RPS6KA1: variants seen among roughly 807,000 people sequenced by gnomAD.
RPS6KA1 encodes the protein ribosomal protein S6 kinase alpha-1.
RPS6KA1 carries 48 observed loss-of-function variants against 91.3 expected under a neutral mutation model. That is an observed-to-expected ratio of 0.53 (90% confidence interval 0.42 to 0.67). RPS6KA1 has a LOEUF of 0.67. Ranked by LOEUF, RPS6KA1 falls within the 30% of genes least tolerant of loss-of-function variation. The probability of loss-of-function intolerance (pLI) is 0.00; values close to 1 mark genes in which losing one functional copy is unlikely to be tolerated. For synonymous variants in RPS6KA1, 359 were observed against 384.7 expected, an observed-to-expected ratio of 0.93 and a Z score of 0.78; for missense variants, 719 against 960.5, an observed-to-expected ratio of 0.75 and a Z score of 3.32.
At chr1:26,565,913 G>A (rs2076197707) in intron 17 of RPS6KA1, among the ~76,000 whole-genome samples, 1 of 152,092 alleles carries the variant, frequency 6.6e-6, no homozygotes, top group South Asian at 2.1e-4. Flanking sequence ...TGTTGTCTTT[G>A]AGATCCATCC....
In RPS6KA1 at chr1:26,545,735, G is replaced by A. The variant is rs573275442; in HGVS notation, c.109-1132G>A. The A allele has an allele frequency of 4.7e-5, 45 of 951,702 alleles. No individual in the cohort carries two copies. The South Asian group carries it at 5.0e-4, about 11-fold the overall frequency. The allele number at this position is 951,702 out of a possible 1,614,324, so 59.0% of individuals were successfully genotyped here. A position where few individuals can be genotyped will look rare whatever the true frequency, so the allele number is the denominator to read the frequency against. ...GAGAGAGAGGAAGGGAACGTGGTGA[G>A]GGTGTAGGCCTGGTGCTGGGAAACC... On this transcript the variant is annotated intron_variant, in intron 2 of 21. Transcript: ENST00000374168.
intron 17 of RPS6KA1, among the ~76,000 whole-genome samples, chr1:26,566,500 T>A (rs2076203587): frequency 6.6e-6 from 1 of 152,084 alleles, no homozygotes. Flanking sequence ...TTGGCCAAAC[T>A]GTTCTCGAAC....
chr1:26,570,043 T>C, intron 17 of RPS6KA1, among the ~76,000 whole-genome samples: 1 of 152,088 alleles, frequency 6.6e-6, no homozygotes, highest in Middle Eastern at 3.2e-3. Flanking sequence ...TAGTGTGGGA[T>C]GTGTTGAGTT....
chr1:26,550,173 C>G (rs1184507133), intron 4 of RPS6KA1, among the ~76,000 whole-genome samples: 1 of 147,006 alleles, frequency 6.8e-6, no homozygotes, highest in Non-Finnish European at 1.5e-5. Flanking sequence ...GCCACCACGC[C>G]TGGCCAATTT....
chr1:26,542,717 G>A (rs554649089), intron 2 of RPS6KA1, among the ~76,000 whole-genome samples: 1 of 152,118 alleles, frequency 6.6e-6, no homozygotes, highest in South Asian at 2.1e-4. Context: ...ATTGTGGGTG[G>A]GCATAGCCAT....
intron 4 of RPS6KA1, among the ~76,000 whole-genome samples, chr1:26,548,289 C>A (rs998245939): frequency 6.6e-6 from 1 of 151,700 alleles, no homozygotes; most frequent in African/African-American, 2.4e-5. Flanking sequence ...GTGGTGCAGC[C>A]GGTGCTGTGA....
chr1:26,547,936 G>A lies in RPS6KA1; in HGVS notation c.307+666G>A, dbSNP rs1192757609. On this transcript the variant is annotated intron_variant, in intron 4 of 21. Transcript: ENST00000374168. This position sits in a 1 kb window ranked among gnomAD's most constrained non-coding sequence, Gnocchi z 4.1. The stretch of plus-strand genomic sequence containing the variant: ...TGTAATCCCAGCACTTTGGGAGGCT[G>A]AGGTGGGCGGGTCATTTGAGGTCAG... Among the ~76,000 whole-genome samples the A allele has an allele frequency of 6.6e-6, 1 of 152,136 alleles. No individual in the cohort carries two copies. Among genetic ancestry groups the A allele is most frequent in the African/African-American group, 2.4e-5 (1 of 41,426 alleles).
chr1:26,542,989 G>T (rs149327018), intron 2 of RPS6KA1: 7 of 648,350 alleles, frequency 1.1e-5, no homozygotes, highest in Non-Finnish European at 1.8e-5. Context: ...CTTGGGGTCT[G>T]CAGTGTCCCC....
intron 17 of RPS6KA1, among the ~76,000 whole-genome samples, chr1:26,569,495 T>C (rs891865359): frequency 6.6e-6 from 1 of 152,168 alleles, no homozygotes; most frequent in Non-Finnish European, 1.5e-5. Context: ...ACCCTAACAG[T>C]GTGGCCCTTT....
At chr1:26,541,447 C>T (rs749577875) in intron 2 of RPS6KA1, among the ~76,000 whole-genome samples, 5 of 151,860 alleles carry the variant, frequency 3.3e-5, no homozygotes, top group African/African-American at 4.8e-5. Flanking sequence ...CCCAGCTACT[C>T]GGGAGGCTGA....
At position 26,558,674 on chromosome 1, in the gene RPS6KA1, G is replaced by C. The variant is rs2076126447; in HGVS notation, c.1085-133G>C. 1 of 995,346 alleles carries C rather than the reference G, an allele frequency of 1.0e-6. No homozygotes were observed. Among genetic ancestry groups the C allele is most frequent in the Non-Finnish European group, 1.5e-6 (1 of 660,886 alleles). 61.7% of individuals were successfully genotyped at this position (995,346 alleles called of 1,614,324 possible). On this transcript the variant is annotated intron_variant, in intron 13 of 21. Transcript: ENST00000374168. This position sits in a 1 kb window ranked among gnomAD's most constrained non-coding sequence, Gnocchi z 4.0. ...GTTGGGCCAAGGCCTGTGATGGACA[G>C]GCCCTCTGCAGGCTCCCGCCACGGC... is the stretch of plus-strand genomic sequence containing the variant.
Position 26,540,181 on chromosome 1 carries a change from T to G in RPS6KA1, c.108+3212T>G, listed in dbSNP as rs2075936413. 6.6e-6 allele frequency among the ~76,000 whole-genome samples: 1 copy of G among 152,140 alleles called. No homozygotes were observed. The highest frequency in any genetic ancestry group is 2.4e-5 in the African/African-American group (1 of 41,430). ...AAGTAAACCTGGGAGAAGTTCTGTTTCCAACATCCCCTTGTCTCTGTGGCC... is the reference window on the plus strand; with the variant it reads ...AAGTAAACCTGGGAGAAGTTCTGTTGCCAACATCCCCTTGTCTCTGTGGCC... On this transcript the variant is annotated intron_variant, in intron 2 of 21. Coordinates refer to ENST00000374168, the MANE Select transcript of RPS6KA1 (RefSeq NM_002953.4). This position sits in a 1 kb window ranked among gnomAD's most constrained non-coding sequence, Gnocchi z 4.2.
chr1:26,562,605 G>A (rs1439302420), intron 17 of RPS6KA1, among the ~76,000 whole-genome samples: 3 of 152,202 alleles, frequency 2.0e-5, no homozygotes, highest in Non-Finnish European at 4.4e-5. Flanking sequence ...CTAGATGACG[G>A]TGAGGTAGGA....
At chr1:26,553,310 C>A in intron 6 of RPS6KA1, 81 bp from the exon 7 acceptor site, 1 of 948,846 alleles carries the variant, frequency 1.1e-6, no homozygotes, top group Non-Finnish European at 1.7e-6. Flanking sequence ...CTCTTCAGGA[C>A]CAGGAAGCTG....
rs1483731349 is a variant in RPS6KA1, at chr1:26,566,388, A to G, written c.1590+4725A>G. Among the ~76,000 whole-genome samples, 3 of 142,520 alleles carry G rather than the reference A, an allele frequency of 2.1e-5. No individual in the cohort carries two copies. In the East Asian group the frequency reaches 6.6e-4, roughly 31 times the overall value. 93.5% of individuals were successfully genotyped at this position (142,520 alleles called of 152,430 possible). A position where few individuals can be genotyped will look rare whatever the true frequency, so the allele number is the denominator to read the frequency against. ...AACCTCTACCTCCTGGGTTCAAGTG[A>G]TTCTCCTACCTCAGCCTCCTGAGGA... On this transcript the variant is annotated intron_variant, in intron 17 of 21. Transcript: ENST00000374168.
Position 26,554,284 on chromosome 1 carries a change from AG to A in RPS6KA1, c.613+37del. On this transcript the variant is annotated intron_variant, in intron 8 of 21. Coordinates refer to ENST00000374168, the MANE Select transcript of RPS6KA1 (RefSeq NM_002953.4). This position sits in a 1 kb window ranked among gnomAD's most constrained non-coding sequence, Gnocchi z 4.6. Reference sequence around the variant, plus strand: ...GAGGGCGCCTGCCCCCTCGGGACCCAGGGGAGGACAGGACAAGGTCATGATA... The same window carrying A: ...GAGGGCGCCTGCCCCCTCGGGACCCAGGGAGGACAGGACAAGGTCATGATA... 1 of 1,551,316 alleles carries A rather than the reference AG, an allele frequency of 6.4e-7. No homozygotes were observed. Among genetic ancestry groups the A allele is most frequent in the Non-Finnish European group, 8.7e-7 (1 of 1,145,814 alleles).
At chr1:26,562,120 C>T (rs1404650542) in intron 17 of RPS6KA1, among the ~76,000 whole-genome samples, 1 of 152,096 alleles carries the variant, frequency 6.6e-6, no homozygotes, top group Non-Finnish European at 1.5e-5. Context: ...AGAAGAGTGG[C>T]TTGAACCCGG....
In RPS6KA1 at chr1:26,560,945, A is replaced by G. The variant is rs571080459; in HGVS notation, c.1341+94A>G. On this transcript the variant is annotated intron_variant, in intron 15 of 21. Coordinates refer to ENST00000374168, the MANE Select transcript of RPS6KA1 (RefSeq NM_002953.4). ...GATGGTGCCTGAGCTCTGCAGATGT[A>G]TGAAAGGTGTGTGGCCGAGACCTCC... 208 of 1,604,182 alleles carry G rather than the reference A, an allele frequency of 1.3e-4. No homozygotes were observed. In the Middle Eastern group the frequency reaches 1.9e-3, roughly 15 times the overall value.
chr1:26,549,170 C>A (rs749856755), intron 4 of RPS6KA1, among the ~76,000 whole-genome samples: 20 of 150,826 alleles, frequency 1.3e-4, no homozygotes, highest in Non-Finnish European at 2.9e-5. Context: ...AGGAAACTGC[C>A]AATCCAGTAC....
Sources: allele counts gnomAD v4.1 joint callset (sites outside exome capture counted in the v4.1 genomes callset), GRCh38; gene constraint gnomAD v4.1.1; non-coding constraint Gnocchi (gnomAD v3.1); transcripts MANE v1.5; gene names NCBI Gene and HGNC (gene_info 2026-07-23, HGNC 2026-07-21).